The following MYCBPAP variants were observed in gnomAD, a reference collection of about 807,000 sequenced individuals.
MYCBPAP encodes MYCBP-associated protein.
A neutral mutation model predicts 106.1 loss-of-function variants in MYCBPAP; 60 were observed. The ratio of observed to expected loss-of-function variants is 0.57; its 90% CI spans 0.46 to 0.70. MYCBPAP has a LOEUF of 0.70. Among genes scored for constraint, MYCBPAP ranks in the 30% least tolerant of loss-of-function variants. The pLI is 0.00. For synonymous variants in MYCBPAP, 407 were observed against 440.6 expected (o/e 0.92, Z 0.95); for missense variants, 1,064 against 1,169.3 (o/e 0.91, Z 1.31).
intron 14 of MYCBPAP, 42 bp downstream of exon 14, chr17:50,526,309 T>C (rs1252270156): frequency 2.6e-6 from 4 of 1,529,414 alleles, no homozygotes; most frequent in Non-Finnish European, 3.5e-6. Flanking sequence ...AGAATATTCC[T>C]GCCTCGAACC....
At chr17:50,522,291 T>C (rs927347352) in intron 10 of MYCBPAP, 2 of 488,478 alleles carry the variant, frequency 4.1e-6, no homozygotes, top group Non-Finnish European at 7.5e-6. Context: ...TTGGGGCTTA[T>C]ACCCAGCCCC....
Position 50,531,391 on chromosome 17 carries a change from T to G in MYCBPAP, c.2789T>G (p.Ile930Arg), listed in dbSNP as rs762758115. The change falls in exon 19 of 19, where the codon ATA (isoleucine) becomes AGA (arginine). Residue 930 changes from isoleucine (I) to arginine (R), a missense_variant. Ile to Arg is a moderately conservative substitution (Grantham distance 97, BLOSUM62 -3). Transcript: ENST00000323776. Reference sequence around the variant, plus strand: ...GTCCTGGCTGATGAGCTCAGCCCCATAAAGAATGTCGAGGAGGCTTTGCGC... The same window carrying G: ...GTCCTGGCTGATGAGCTCAGCCCCAGAAAGAATGTCGAGGAGGCTTTGCGC... ...LMVLADELSPIKNVEEALRLC... is the reference protein window; with the variant it reads ...LMVLADELSPRKNVEEALRLC... 1 of 1,613,550 alleles carries G rather than the reference T, an allele frequency of 6.2e-7. No individual in the cohort carries two copies. Among genetic ancestry groups the G allele is most frequent in the South Asian group, 1.1e-5 (1 of 90,882 alleles).
chr17:50,510,419 C>T (rs1402209032), intron 1 of MYCBPAP: 1 of 144,674 alleles, frequency 6.9e-6, no homozygotes, highest in Non-Finnish European at 1.5e-5. Context: ...TGTTTTATGA[C>T]ATACTATATA....
At chr17:50,523,199 A>C in intron 11 of MYCBPAP, 71 bp downstream of exon 11, 1 of 1,485,804 alleles carries the variant, frequency 6.7e-7, no homozygotes, top group South Asian at 1.2e-5. Context: ...GAGACATCAA[A>C]GTTTAGTTAT....
intron 13 of MYCBPAP, among the ~76,000 whole-genome samples, chr17:50,525,373 C>T (rs2143980670): frequency 6.6e-6 from 1 of 152,334 alleles, no homozygotes; most frequent in African/African-American, 2.4e-5. Flanking sequence ...GGACTGCTGC[C>T]CTAGGTGACA....
chr17:50,511,884 G>A (rs1300505903), intron 1 of MYCBPAP, among the ~76,000 whole-genome samples: 2 of 151,904 alleles, frequency 1.3e-5, no homozygotes, highest in Non-Finnish European at 2.9e-5. Flanking sequence ...CTGCCTCTCC[G>A]GTCCATCTGG....
chr17:50,528,069 G>T, intron 15 of MYCBPAP, 86 bp from the exon 16 acceptor site: 4 of 1,092,382 alleles, frequency 3.7e-6, no homozygotes, highest in Non-Finnish European at 5.5e-6. Flanking sequence ...TGGCACCAGG[G>T]TCTTTGAAGG....
At chr17:50,512,616 C>G (rs939583989) in intron 1 of MYCBPAP, among the ~76,000 whole-genome samples, 1 of 152,184 alleles carries the variant, frequency 6.6e-6, no homozygotes, top group Non-Finnish European at 1.5e-5. Context: ...TTGCCTGTAC[C>G]GCAAATGTAG....
At position 50,518,734 on chromosome 17, in the gene MYCBPAP, G is replaced by A. The variant is rs116160638; in HGVS notation, c.652+10G>A. The A allele has an allele frequency of 7.2e-4, 1,125 of 1,562,016 alleles. 5 individuals carry two copies. In the African/African-American group the frequency reaches 8.4e-3, roughly 12 times the overall value. ...CAGGAAGCCCTCAGCGGTGAGCAGA[G>A]CAGACAGGGCTCCCGCCCGGCCTCC... On this transcript the variant is annotated intron_variant, in intron 5 of 18. Transcript: ENST00000323776.
rs147740752 is a variant in MYCBPAP, at chr17:50,521,140, G to A, written c.947G>A (p.Arg316His). ...GLPAQRDASY[R>H]YTWDRSLFLI... ...CCAGCCCAGAGGGACGCTTCATACC[G>A]CTACACCTGGGATCGGAGTCTGTTT... Residue 316 changes from arginine to histidine, a missense_variant, in exon 8 of 19, where the codon CGC (arginine) becomes CAC (histidine). Transcript: ENST00000323776. The A allele has an allele frequency of 2.2e-4, 363 of 1,613,412 alleles. 1 individual carries two copies. Among genetic ancestry groups the A allele is most frequent in the Non-Finnish European group, 2.2e-4 (264 of 1,179,858 alleles).
chr17:50,516,510 T>C (rs2034056929), intron 1 of MYCBPAP, 60 bp from the exon 2 acceptor site: 1 of 1,563,116 alleles, frequency 6.4e-7, no homozygotes, highest in Non-Finnish European at 8.7e-7. Flanking sequence ...TTTGTATGTA[T>C]ATATTGATAT....
At chr17:50,514,412 T>G (rs1409089100) in intron 1 of MYCBPAP, among the ~76,000 whole-genome samples, 1 of 152,230 alleles carries the variant, frequency 6.6e-6, no homozygotes, top group Non-Finnish European at 1.5e-5. Context: ...TAGGTTTTCT[T>G]TTGATTGTTT....
In MYCBPAP at chr17:50,526,119, G is replaced by C. The variant is rs2034450069; in HGVS notation, c.2021G>C (p.Arg674Thr). 1 of 1,613,932 alleles carries C rather than the reference G, an allele frequency of 6.2e-7. No homozygotes were observed. Among genetic ancestry groups the C allele is most frequent in the Non-Finnish European group, 8.5e-7 (1 of 1,180,044 alleles). ...ALRESGSQKA[R>T]VGTKSPQRKS... The stretch of plus-strand genomic sequence containing the variant: ...AGGGAATCCGGGTCCCAGAAGGCCA[G>C]AGTGGGGACCAAGAGTCCTCAGCGG... Residue 674 changes from arginine to threonine, a missense_variant, in exon 14 of 19, where the codon AGA (arginine) becomes ACA (threonine). Physicochemically the swap from Arg to Thr is moderately conservative, Grantham distance 71. Coordinates refer to ENST00000323776, the MANE Select transcript of MYCBPAP (RefSeq NM_032133.6).
At position 50,528,966 on chromosome 17, in the gene MYCBPAP, T is replaced by C. The variant is rs2034548820; in HGVS notation, c.2554-52T>C. 25 of 1,601,216 alleles carry C rather than the reference T, an allele frequency of 1.6e-5. No homozygotes were observed. In the East Asian group the frequency reaches 5.6e-4, roughly 36 times the overall value. ...AGTGAGCTACTGTTGAGGACATCCT[T>C]GGCCTACCTCTGGAGCTCCTGAAGG... On this transcript the variant is annotated intron_variant, in intron 17 of 18. Transcript: ENST00000323776.
intron 15 of MYCBPAP, among the ~76,000 whole-genome samples, chr17:50,527,745 C>T (rs1473744666): frequency 6.6e-6 from 1 of 152,190 alleles, no homozygotes; most frequent in Non-Finnish European, 1.5e-5. Flanking sequence ...GTCACCCTCC[C>T]CTGTACCTGT....
upstream of MYCBPAP, among the ~76,000 whole-genome samples, chr17:50,508,151 A>G (rs2033682010): frequency 6.6e-6 from 1 of 150,792 alleles, no homozygotes; most frequent in Admixed American, 6.6e-5. Flanking sequence ...ATCCCCCCCC[A>G]GAACCGCTGT....
intron 1 of MYCBPAP, among the ~76,000 whole-genome samples, chr17:50,513,970 A>G (rs544418885): frequency 1.3e-5 from 2 of 152,362 alleles, no homozygotes; most frequent in East Asian, 3.9e-4. Context: ...TGCATTTAAC[A>G]GACAGATACT....
chr17:50,508,970 G>A (rs2033720749), intron 1 of MYCBPAP: 2 of 703,530 alleles, frequency 2.8e-6, no homozygotes, highest in Non-Finnish European at 2.6e-6. Flanking sequence ...TAGGAAGTGG[G>A]AGACTGACAG....
chr17:50,508,391 G>A (rs557793958), upstream of MYCBPAP: 2,216 of 630,048 alleles, frequency 3.5e-3, 43 homozygotes, highest in African/African-American at 0.039. Flanking sequence ...GGCTGGTGAC[G>A]TCACGGCGCT....
Sources: allele counts gnomAD v4.1 joint callset (sites outside exome capture counted in the v4.1 genomes callset), GRCh38; gene constraint gnomAD v4.1.1; transcripts MANE v1.5; gene names NCBI Gene and HGNC (gene_info 2026-07-23, HGNC 2026-07-21).